The following SLC31A2 variants were observed in gnomAD, a reference collection of about 807,000 sequenced individuals.
SLC31A2 encodes solute carrier family 31 member 2, also known as protein SLC31A2.
Under a neutral mutation model 14.4 loss-of-function variants are expected in SLC31A2, and 16 were observed. The observed-to-expected ratio is 1.11, with a 90% CI of 0.75 to 1.69. SLC31A2 has a LOEUF of 1.69. SLC31A2 is among the 40% of genes most tolerant of loss of function. The pLI, the probability that SLC31A2 is intolerant of heterozygous loss-of-function variation, is 0.00. For missense variants in SLC31A2, 140 were observed against 173.9 expected (o/e 0.81, Z 1.10); for synonymous variants, 56 against 68.7 (o/e 0.82, Z 0.91).
At chr9:113,159,819 C>T (rs1463987737) in intron 2 of SLC31A2, among the ~76,000 whole-genome samples, 10 of 152,190 alleles carry the variant, frequency 6.6e-5, no homozygotes, top group East Asian at 1.9e-4. Context: ...GTTCCCATAA[C>T]GCCTTTGTTG....
In SLC31A2 at chr9:113,151,065, C is replaced by T. The variant is rs1203451631; in HGVS notation, c.-10C>T. 5 of 1,307,694 alleles carry T rather than the reference C, an allele frequency of 3.8e-6. No individual in the cohort carries two copies. The highest frequency in any genetic ancestry group is 3.4e-5 in the Admixed American group (1 of 29,672). 81.0% of individuals were successfully genotyped at this position (1,307,694 alleles called of 1,614,324 possible). On this transcript the variant is annotated 5_prime_UTR_variant, in exon 1 of 4. Transcript: ENST00000259392. The surrounding 1 kb of genome is among the most constrained non-coding windows in gnomAD (Gnocchi z 4.2). ...AGACGCGGCCCTGGCGCCCGCCCTG[C>T]GCACTCACCATGGCGGTAAGGGCCG...
intron 2 of SLC31A2, 158 bp from the exon 3 acceptor site, chr9:113,161,351 G>A: frequency 2.9e-6 from 2 of 681,210 alleles, no homozygotes; most frequent in Non-Finnish European, 2.5e-6. Context: ...GCTAAGAAAA[G>A]TCTGGTGAAG....
At chr9:113,158,093 C>CA in intron 2 of SLC31A2, 1 of 513,610 alleles carries the variant, frequency 1.9e-6, no homozygotes, top group South Asian at 1.5e-5. Flanking sequence ...TGCAGGGTCA[C>CA]ACAGTAAGTA....
rs1312374746 is a variant in SLC31A2 at position 113,151,385 on chromosome 9, G to A, written c.6+305G>A. Among the ~76,000 whole-genome samples the A allele has an allele frequency of 1.3e-5, 2 of 152,000 alleles. No individual in the cohort carries two copies. Among genetic ancestry groups the A allele is most frequent in the African/African-American group, 4.8e-5 (2 of 41,488 alleles). On this transcript the variant is annotated intron_variant, in intron 1 of 3. Transcript: ENST00000259392. The surrounding 1 kb of genome is among the most constrained non-coding windows in gnomAD (Gnocchi z 4.2). The stretch of plus-strand genomic sequence containing the variant: ...GCGGTGGCTGAAGACAGCTGGGTCC[G>A]GGGCCCCCGGCCCCGGACCTCTGGC...
Position 113,151,142 on chromosome 9 carries a change from C to CAT in SLC31A2, c.6+63_6+64dup. ...TTGGGGCGGGGTCTCCTGGAGCTGC[C>CAT]ATCTCGGCACCCCGAATCCTCGCTG... On this transcript the variant is annotated intron_variant, in intron 1 of 3. Transcript: ENST00000259392. This position sits in a 1 kb window ranked among gnomAD's most constrained non-coding sequence, Gnocchi z 4.2. The CAT allele has an allele frequency of 7.8e-7, 1 of 1,275,164 alleles. No individual in the cohort carries two copies. Among genetic ancestry groups the CAT allele is most frequent in the East Asian group, 3.0e-5 (1 of 33,730 alleles). The allele number at this position is 1,275,164 out of a possible 1,614,324, so 79.0% of individuals were successfully genotyped here.
At position 113,162,786 on chromosome 9, in the gene SLC31A2, G is replaced by A. The variant is rs776955233; in HGVS notation, c.301G>A (p.Val101Ile). ...LCHFGQSLIH[V>I]IQVVIGYFIM... ...TCACTTTGGCCAGTCTCTAATCCAT[G>A]TCATCCAGGTGGTCATCGGCTACTT... Residue 101 changes from valine to isoleucine, a missense_variant, in exon 4 of 4, where the codon GTC (valine) becomes ATC (isoleucine). Transcript: ENST00000259392. 10 of 1,613,536 alleles carry A rather than the reference G, an allele frequency of 6.2e-6. No individual in the cohort carries two copies. Among genetic ancestry groups the A allele is most frequent in the Non-Finnish European group, 8.5e-6 (10 of 1,179,784 alleles).
intron 2 of SLC31A2, among the ~76,000 whole-genome samples, chr9:113,159,023 G>A (rs779510182): frequency 1.9e-4 from 29 of 152,216 alleles, no homozygotes; most frequent in South Asian, 2.1e-4. Context: ...AACAGTATGC[G>A]TAGATAGGAT....
chr9:113,158,883 G>C (rs1201550938), intron 2 of SLC31A2, among the ~76,000 whole-genome samples: 1 of 152,198 alleles, frequency 6.6e-6, no homozygotes, highest in African/African-American at 2.4e-5. Flanking sequence ...ATAAGAAGGG[G>C]ATGTGGGGTG....
At chr9:113,157,841 C>A in intron 2 of SLC31A2, 48 bp downstream of exon 2, 1 of 1,429,514 alleles carries the variant, frequency 7.0e-7, no homozygotes, top group Non-Finnish European at 9.8e-7. Flanking sequence ...CCTTGTAGTA[C>A]TAGGCAAGGG....
chr9:113,152,575 TG>T (rs1043400945), intron 1 of SLC31A2, among the ~76,000 whole-genome samples: 37 of 152,180 alleles, frequency 2.4e-4, no homozygotes, highest in African/African-American at 8.9e-4. Context: ...TCAGGCGGCT[TG>T]GTCCCCAGCA....
In SLC31A2 at chr9:113,163,030, G is replaced by C. The variant is rs1830042179; in HGVS notation, c.*113G>C. Reference sequence around the variant, plus strand: ...TGGCTATTCCTCCACCTTATTCCCAGCCCCTGGAAACTTTGAGCTGAAGCC... The same window carrying C: ...TGGCTATTCCTCCACCTTATTCCCACCCCCTGGAAACTTTGAGCTGAAGCC... On this transcript the variant is annotated 3_prime_UTR_variant, in exon 4 of 4. Transcript: ENST00000259392. The C allele has an allele frequency of 4.7e-6, 5 of 1,072,002 alleles. No individual in the cohort carries two copies. Among genetic ancestry groups the C allele is most frequent in the Non-Finnish European group, 6.4e-6 (5 of 786,772 alleles). 66.4% of individuals were successfully genotyped at this position (1,072,002 alleles called of 1,614,324 possible). A position where few individuals can be genotyped will look rare whatever the true frequency, so the allele number is the denominator to read the frequency against.
intron 2 of SLC31A2, 97 bp from the exon 3 acceptor site, chr9:113,161,412 A>C: frequency 1.9e-6 from 2 of 1,073,786 alleles, no homozygotes; most frequent in Non-Finnish European, 2.8e-6. Context: ...GGTGCAGGAT[A>C]GAGGTGGATG....
chr9:113,158,080 T>C, intron 2 of SLC31A2: 1 of 524,496 alleles, frequency 1.9e-6, no homozygotes, highest in Non-Finnish European at 3.8e-6. Flanking sequence ...GAAGAGAGAC[T>C]CGTGCAGGGT....
At chr9:113,156,628 T>C (rs1829937390) in intron 1 of SLC31A2, among the ~76,000 whole-genome samples, 1 of 152,204 alleles carries the variant, frequency 6.6e-6, no homozygotes, top group Admixed American at 6.5e-5. Flanking sequence ...TGGGTAACAC[T>C]GACAGTGTTT....
At chr9:113,162,625 A>C in intron 3 of SLC31A2, 124 bp from the exon 4 acceptor site, 5 of 869,090 alleles carry the variant, frequency 5.8e-6, no homozygotes, top group Non-Finnish European at 7.0e-6. Flanking sequence ...TCCTGGGTTA[A>C]GCATACAAGT....
chr9:113,152,494 C>T (rs1829881548), intron 1 of SLC31A2, among the ~76,000 whole-genome samples: 1 of 152,190 alleles, frequency 6.6e-6, no homozygotes, highest in Non-Finnish European at 1.5e-5. Flanking sequence ...GTTCATCTTC[C>T]CAGCTATCTC....
intron 2 of SLC31A2, chr9:113,161,224 C>G: frequency 2.3e-6 from 1 of 436,026 alleles, no homozygotes; most frequent in South Asian, 2.8e-5. Context: ...CAAGAAGTCA[C>G]GACAGATTTG....
chr9:113,154,702 C>T (rs1829912426), intron 1 of SLC31A2, among the ~76,000 whole-genome samples: 1 of 152,202 alleles, frequency 6.6e-6, no homozygotes, highest in Non-Finnish European at 1.5e-5. Context: ...CTGACTCTGC[C>T]TCTGTGGATC....
intron 3 of SLC31A2, chr9:113,162,149 C>G: frequency 3.1e-6 from 1 of 326,748 alleles, no homozygotes; most frequent in Non-Finnish European, 5.8e-6. Context: ...TTTAGGGTCC[C>G]TGTTCTGCCC....
Sources: gnomAD v4.1 joint callset for allele counts (sites outside exome capture counted in the v4.1 genomes callset) on GRCh38, gnomAD v4.1.1 for gene constraint, Gnocchi (gnomAD v3.1) non-coding constraint, MANE v1.5 for transcripts, NCBI Gene and HGNC (gene_info 2026-07-23, HGNC 2026-07-21) for gene names.